The following CDK19 variants were observed in gnomAD, a reference collection of about 807,000 sequenced individuals.
CDK19 encodes cyclin-dependent kinase 19.
A neutral mutation model predicts 68.3 loss-of-function variants in CDK19; 20 were observed. The ratio of observed to expected loss-of-function variants is 0.29; its 90% CI spans 0.21 to 0.43. CDK19 has a LOEUF of 0.43. CDK19 is among the 20% of genes least tolerant of loss of function. The pLI is 1.00. For synonymous variants in CDK19, 221 were observed against 222.8 expected, an observed-to-expected ratio of 0.99 and a Z score of 0.07; for missense variants, 339 against 623.5, an observed-to-expected ratio of 0.54 and a Z score of 4.86.
At chr6:110,704,039 A>G (rs928957895) in intron 2 of CDK19, among the ~76,000 whole-genome samples, 7 of 152,208 alleles carry the variant, frequency 4.6e-5, no homozygotes, top group African/African-American at 1.7e-4. Flanking sequence ...AGAAGACCAC[A>G]TAGTTCAAAT....
At chr6:110,671,729 T>C (rs1582827929) in intron 2 of CDK19, among the ~76,000 whole-genome samples, 1 of 152,102 alleles carries the variant, frequency 6.6e-6, no homozygotes, top group Non-Finnish European at 1.5e-5. Flanking sequence ...GACATATAAA[T>C]AGATCAATGA....
chr6:110,645,408 T>C (rs910053813), intron 4 of CDK19, among the ~76,000 whole-genome samples: 4 of 152,130 alleles, frequency 2.6e-5, no homozygotes, highest in Non-Finnish European at 4.4e-5. Flanking sequence ...AGACATCTAA[T>C]ACAGTACTTA....
At chr6:110,657,957 A>C (rs1231083787) in intron 4 of CDK19, among the ~76,000 whole-genome samples, 1 of 152,194 alleles carries the variant, frequency 6.6e-6, no homozygotes, top group African/African-American at 2.4e-5. Flanking sequence ...ACTCTGTTGA[A>C]AGCTCCAACT....
At chr6:110,780,569 T>C (rs1481733467) in intron 1 of CDK19, among the ~76,000 whole-genome samples, 3 of 152,096 alleles carry the variant, frequency 2.0e-5, no homozygotes, top group Admixed American at 6.6e-5. Context: ...CAAACCAAGC[T>C]TCTGAGTGGA....
chr6:110,795,306 A>G (rs897025838), intron 1 of CDK19, among the ~76,000 whole-genome samples: 1 of 152,190 alleles, frequency 6.6e-6, no homozygotes, highest in Non-Finnish European at 1.5e-5. Context: ...AAAAATAATT[A>G]CCAACTATAA....
chr6:110,806,403 C>A (rs898382225), intron 1 of CDK19, among the ~76,000 whole-genome samples: 1 of 152,028 alleles, frequency 6.6e-6, no homozygotes, highest in Non-Finnish European at 1.5e-5. Context: ...CCAACCCCCC[C>A]ATCTCCAGTC....
chr6:110,720,903 T>C (rs539120063), intron 2 of CDK19, among the ~76,000 whole-genome samples: 4 of 151,204 alleles, frequency 2.6e-5, no homozygotes, highest in African/African-American at 9.7e-5. Context: ...TTTGGTTACA[T>C]GCTATACACG....
intron 1 of CDK19, among the ~76,000 whole-genome samples, chr6:110,801,430 A>G (rs1489022488): frequency 6.6e-6 from 1 of 152,174 alleles, no homozygotes; most frequent in African/African-American, 2.4e-5. Context: ...GACTGCACTG[A>G]GCCATGATCA....
chr6:110,814,341 G>A (rs935285908), intron 1 of CDK19, among the ~76,000 whole-genome samples: 3 of 152,232 alleles, frequency 2.0e-5, no homozygotes, highest in African/African-American at 4.8e-5. Context: ...AGCCCATCAG[G>A]TCTCCTTCGA....
intron 1 of CDK19, among the ~76,000 whole-genome samples, chr6:110,747,830 C>T (rs77125927): frequency 0.028 from 4,217 of 152,108 alleles, 84 homozygotes; most frequent in South Asian, 0.084. Flanking sequence ...TTTTTCAGAC[C>T]ACTCAGAAGC....
intron 2 of CDK19, among the ~76,000 whole-genome samples, chr6:110,745,025 T>C (rs1777974437): frequency 6.6e-6 from 1 of 152,218 alleles, no homozygotes; most frequent in African/African-American, 2.4e-5. Flanking sequence ...AATTATTAAG[T>C]AACAATTATT....
intron 8 of CDK19, among the ~76,000 whole-genome samples, chr6:110,626,061 C>A (rs1779070830): frequency 6.6e-6 from 1 of 152,222 alleles, no homozygotes; most frequent in Non-Finnish European, 1.5e-5. Context: ...CTTCTGCCAG[C>A]CTTCCAGGTT....
At chr6:110,663,873 G>A (rs938081513) in intron 4 of CDK19, among the ~76,000 whole-genome samples, 1 of 152,162 alleles carries the variant, frequency 6.6e-6, no homozygotes, top group East Asian at 1.9e-4. Flanking sequence ...CACTTGAGGA[G>A]TTGGAGGCAT....
At chr6:110,773,441 T>A (rs1282927214) in intron 1 of CDK19, among the ~76,000 whole-genome samples, 1 of 152,168 alleles carries the variant, frequency 6.6e-6, no homozygotes, top group Non-Finnish European at 1.5e-5. Flanking sequence ...ATGCCTATCT[T>A]CCAGTCATGA....
At chr6:110,814,249 A>G (rs1783374831) in intron 1 of CDK19, 1 of 290,506 alleles carries the variant, frequency 3.4e-6, no homozygotes, top group South Asian at 2.8e-5. Context: ...ATAATACCCA[A>G]GATACCCAAG....
rs143459619 is a variant in CDK19 at position 110,675,937 on chromosome 6, T to C, written c.205-5396A>G. 1.6e-4 allele frequency among the ~76,000 whole-genome samples: 25 copies of C among 152,352 alleles called. No homozygotes were observed. The East Asian group carries it at 3.1e-3, about 19-fold the overall frequency. On this transcript the variant is annotated intron_variant, in intron 2 of 12. Transcript: ENST00000368911. ...AAGAAGTCATTTTGACTTCCAAGTC[T>C]TATTCTTTAACAAATACATTTCATG...
At chr6:110,747,709 A>G (rs1778174972) in intron 1 of CDK19, among the ~76,000 whole-genome samples, 2 of 152,236 alleles carry the variant, frequency 1.3e-5, no homozygotes, top group South Asian at 4.1e-4. Context: ...AGTATTTTCA[A>G]AGTGATAGCT....
At chr6:110,749,424 G>A (rs1311097081) in intron 1 of CDK19, among the ~76,000 whole-genome samples, 2 of 151,130 alleles carry the variant, frequency 1.3e-5, no homozygotes, top group African/African-American at 2.4e-5. Flanking sequence ...ACAGTAGCAC[G>A]ATCTGGGCTC....
chr6:110,797,142 T>C lies in CDK19; in HGVS notation c.128+17867A>G, dbSNP rs1047600736. On this transcript the variant is annotated intron_variant, in intron 1 of 12. Coordinates refer to ENST00000368911, the MANE Select transcript of CDK19 (RefSeq NM_015076.5). ...GGATCACGAGGTCAGGAGTTCAAGA[T>C]CAGCCTGGCCAAGATAGTGAAACCC... Among the ~76,000 whole-genome samples, 14 of 151,124 alleles carry C rather than the reference T, an allele frequency of 9.3e-5. 1 individual carries two copies. The South Asian group carries it at 1.1e-3, about 11-fold the overall frequency.
Sources: allele counts gnomAD v4.1 joint callset (sites outside exome capture counted in the v4.1 genomes callset), GRCh38; gene constraint gnomAD v4.1.1; transcripts MANE v1.5; gene names NCBI Gene and HGNC (gene_info 2026-07-23, HGNC 2026-07-21).